The following RPS6KC1 variants were observed in gnomAD, a reference collection of about 807,000 sequenced individuals.
RPS6KC1 encodes the protein inactive ribosomal protein S6 kinase delta-1.
In RPS6KC1, 54 loss-of-function variants were observed where a neutral mutation model predicts 103.8. The ratio of observed to expected loss-of-function variants is 0.52; its 90% CI spans 0.42 to 0.65. RPS6KC1 has a LOEUF of 0.65. Ranked by LOEUF, RPS6KC1 falls within the 30% of genes least tolerant of loss-of-function variation. The pLI, the probability that RPS6KC1 is intolerant of heterozygous loss-of-function variation, is 0.00. For synonymous variants in RPS6KC1, 439 were observed against 438.7 expected (o/e 1.00, Z -0.01); for missense variants, 1,151 against 1,253.8 (o/e 0.92, Z 1.24).
chr1:213,322,207 G>A, the RPS6KC1 span, among the ~76,000 whole-genome samples: 13 of 152,334 alleles, frequency 8.5e-5, no homozygotes, highest in African/African-American at 3.1e-4. Flanking sequence ...TTAGGAGGCC[G>A]AGGCAGGAGA....
chr1:213,696,502 C>CAAAAAAA, the RPS6KC1 span, among the ~76,000 whole-genome samples: 84 of 120,918 alleles, frequency 6.9e-4, no homozygotes, highest in African/African-American at 1.9e-3. Context: ...AACTCCGTCT[C>CAAAAAAA]AAAAAAAAAA....
chr1:213,511,896 G>T, the RPS6KC1 span, among the ~76,000 whole-genome samples: 3 of 152,016 alleles, frequency 2.0e-5, no homozygotes, highest in Admixed American at 6.6e-5. Flanking sequence ...TTTATGTTCA[G>T]TCTCTCCACT....
intron 8 of RPS6KC1, among the ~76,000 whole-genome samples, chr1:213,193,694 G>A (rs528062539): frequency 8.5e-5 from 13 of 152,064 alleles, no homozygotes; most frequent in East Asian, 7.7e-4. Context: ...GGAGTGTGGC[G>A]GCAAGATCTC....
At chr1:213,224,164 G>A (rs1187299341) in intron 8 of RPS6KC1, among the ~76,000 whole-genome samples, 1 of 151,964 alleles carries the variant, frequency 6.6e-6, no homozygotes, top group Non-Finnish European at 1.5e-5. Flanking sequence ...TACTTTTGGT[G>A]TACCCCTTCT....
At chr1:213,496,899 A>C in the RPS6KC1 span, among the ~76,000 whole-genome samples, 6 of 152,238 alleles carry the variant, frequency 3.9e-5, no homozygotes, top group Admixed American at 6.5e-5. Flanking sequence ...CAGTGGAAGC[A>C]TTTACACCAC....
the RPS6KC1 span, among the ~76,000 whole-genome samples, chr1:213,324,536 C>G: frequency 1.4e-5 from 2 of 147,998 alleles, no homozygotes; most frequent in Non-Finnish European, 3.0e-5. Flanking sequence ...TATTTTGTTA[C>G]GGCAGGCCTA....
chr1:213,739,818 C>T, the RPS6KC1 span, among the ~76,000 whole-genome samples: 4 of 152,100 alleles, frequency 2.6e-5, no homozygotes, highest in Non-Finnish European at 5.9e-5. Flanking sequence ...TTTTAAGGTA[C>T]GCAAAGATTC....
rs139683814 is a variant in RPS6KC1, at chr1:213,104,263, A to C, written c.263-191A>C. 4.2e-3 allele frequency among the ~76,000 whole-genome samples: 636 copies of C among 152,326 alleles called. 2 individuals carry two copies. Among genetic ancestry groups the C allele is most frequent in the African/African-American group, 0.014 (600 of 41,570 alleles). ...CACCTTTGTCTCTTGTTTTATCAGA[A>C]ACATTTTCTTTTCTACTGAGAGTAC... is the stretch of plus-strand genomic sequence containing the variant. On this transcript the variant is annotated intron_variant, in intron 3 of 14. Coordinates refer to ENST00000366960, the MANE Select transcript of RPS6KC1 (RefSeq NM_012424.6).
At chr1:213,228,242 A>G (rs770595587) in intron 8 of RPS6KC1, among the ~76,000 whole-genome samples, 7 of 152,218 alleles carry the variant, frequency 4.6e-5, no homozygotes, top group Non-Finnish European at 7.3e-5. Flanking sequence ...TTTCAGGGAA[A>G]AACAAGCAAT....
the RPS6KC1 span, among the ~76,000 whole-genome samples, chr1:213,675,105 G>A: frequency 7.2e-5 from 11 of 152,200 alleles, no homozygotes; most frequent in African/African-American, 2.4e-4. Flanking sequence ...CTACTCTGTT[G>A]ATAGTTACTT....
chr1:213,346,261 A>G, the RPS6KC1 span, among the ~76,000 whole-genome samples: 105 of 152,298 alleles, frequency 6.9e-4, no homozygotes, highest in African/African-American at 2.4e-3. Context: ...CAGAACTAGT[A>G]TTTATTTGTT....
chr1:213,422,843 T>C, the RPS6KC1 span, among the ~76,000 whole-genome samples: 1 of 152,216 alleles, frequency 6.6e-6, no homozygotes, highest in Non-Finnish European at 1.5e-5. Flanking sequence ...TGCCTAATGC[T>C]TCCCTCAAAA....
the RPS6KC1 span, among the ~76,000 whole-genome samples, chr1:213,747,611 G>T: frequency 6.6e-6 from 1 of 152,106 alleles, no homozygotes; most frequent in African/African-American, 2.4e-5. Context: ...TGGAATATTT[G>T]CCATGTACCA....
intron 3 of RPS6KC1, among the ~76,000 whole-genome samples, chr1:213,079,066 A>T (rs1383424137): frequency 6.6e-6 from 1 of 152,146 alleles, no homozygotes; most frequent in Admixed American, 6.5e-5. Context: ...ATAACAGTAT[A>T]TATATTTTTT....
the RPS6KC1 span, among the ~76,000 whole-genome samples, chr1:213,544,633 C>G: frequency 1.3e-5 from 2 of 152,236 alleles, no homozygotes; most frequent in South Asian, 4.2e-4. Context: ...TCACAACATA[C>G]TTTGTCCTGG....
At chr1:213,634,228 C>A in the RPS6KC1 span, among the ~76,000 whole-genome samples, 1 of 152,108 alleles carries the variant, frequency 6.6e-6, no homozygotes, top group Non-Finnish European at 1.5e-5. Flanking sequence ...ATCACATGGA[C>A]CTAATAGCCA....
intron 4 of RPS6KC1, among the ~76,000 whole-genome samples, chr1:213,112,854 G>A (rs1393275999): frequency 6.6e-6 from 1 of 152,130 alleles, no homozygotes; most frequent in Non-Finnish European, 1.5e-5. Context: ...TGAGAATGAT[G>A]ATTTCCAGTT....
chr1:213,276,137 G>C (rs2095112035), downstream of RPS6KC1, among the ~76,000 whole-genome samples: 1 of 152,102 alleles, frequency 6.6e-6, no homozygotes, highest in Admixed American at 6.5e-5. Context: ...CACTATATTA[G>C]AGCTCCACAC....
the RPS6KC1 span, among the ~76,000 whole-genome samples, chr1:213,657,440 T>C: frequency 6.6e-6 from 1 of 152,138 alleles, no homozygotes; most frequent in Non-Finnish European, 1.5e-5. Context: ...AAAAATAATG[T>C]AATTATTTAA....
Sources: gnomAD v4.1 joint callset for allele counts (sites outside exome capture counted in the v4.1 genomes callset) on GRCh38, gnomAD v4.1.1 for gene constraint, MANE v1.5 for transcripts, NCBI Gene and HGNC (gene_info 2026-07-23, HGNC 2026-07-21) for gene names.